The following GMDS variants were observed in gnomAD, a reference collection of about 807,000 sequenced individuals.
GMDS encodes GDP-mannose 4,6 dehydratase.
A neutral mutation model predicts 49.9 loss-of-function variants in GMDS; 20 were observed. The ratio of observed to expected loss-of-function variants is 0.40; its 90% CI spans 0.28 to 0.58. GMDS has a LOEUF of 0.58. GMDS is among the 20% of genes least tolerant of loss of function. The pLI is 0.42. For synonymous variants in GMDS, 177 were observed against 178.6 expected, an observed-to-expected ratio of 0.99 and a Z score of 0.07; for missense variants, 362 against 481.4, an observed-to-expected ratio of 0.75 and a Z score of 2.32.
chr6:1,997,576 AATC>A (rs1266095368), intron 4 of GMDS, among the ~76,000 whole-genome samples: 5 of 151,888 alleles, frequency 3.3e-5, no homozygotes, highest in African/African-American at 1.2e-4. Context: ...TTTGGACAGA[AATC>A]ATCAGTGTGC....
At chr6:1,936,374 T>C (rs1202235063) in intron 6 of GMDS, among the ~76,000 whole-genome samples, 1 of 152,132 alleles carries the variant, frequency 6.6e-6, no homozygotes, top group Non-Finnish European at 1.5e-5. Context: ...ACTCCTTCCA[T>C]GAACCTAGGG....
chr6:1,990,741 A>T (rs1326391386), intron 4 of GMDS, among the ~76,000 whole-genome samples: 1 of 144,062 alleles, frequency 6.9e-6, no homozygotes, highest in East Asian at 2.1e-4. Context: ...CACCCAGCTA[A>T]TTTTTTTTTT....
In GMDS at chr6:2,105,209, T is replaced by C. The variant is rs575656772; in HGVS notation, c.345+10562A>G. The stretch of plus-strand genomic sequence containing the variant: ...AAAAAAAAAAAAAAAAAAAAAGAAA[T>C]GATCACTAAACCAAAACACTTTCCT... On this transcript the variant is annotated intron_variant, in intron 4 of 10. Transcript: ENST00000380815. Among the ~76,000 whole-genome samples, 60 of 130,086 alleles carry C rather than the reference T, an allele frequency of 4.6e-4. No individual in the cohort carries two copies. The South Asian group carries it at 7.0e-3, about 15-fold the overall frequency. 85.3% of individuals were successfully genotyped at this position (130,086 alleles called of 152,430 possible).
intron 4 of GMDS, among the ~76,000 whole-genome samples, chr6:2,014,480 T>C (rs979238356): frequency 6.6e-6 from 1 of 152,094 alleles, no homozygotes; most frequent in Non-Finnish European, 1.5e-5. Flanking sequence ...GAACTATCTG[T>C]TAAGCAGCAT....
chr6:2,111,762 A>T (rs1004284735), intron 4 of GMDS, among the ~76,000 whole-genome samples: 8 of 152,242 alleles, frequency 5.3e-5, no homozygotes, highest in African/African-American at 1.9e-4. Context: ...TATGGCAAAC[A>T]TTACACTGTC....
At chr6:2,119,474 T>G (rs896834973) in intron 2 of GMDS, among the ~76,000 whole-genome samples, 2 of 152,164 alleles carry the variant, frequency 1.3e-5, no homozygotes, top group Non-Finnish European at 2.9e-5. Context: ...GCCAAATGCT[T>G]AATCCATGAC....
chr6:1,632,389 C>T (rs1441656153), intron 9 of GMDS, among the ~76,000 whole-genome samples: 3 of 152,134 alleles, frequency 2.0e-5, no homozygotes, highest in Admixed American at 6.5e-5. Context: ...GAAGAGGCAT[C>T]CATGGTTATA....
chr6:2,205,775 G>A (rs1779777983), intron 1 of GMDS, among the ~76,000 whole-genome samples: 1 of 152,110 alleles, frequency 6.6e-6, no homozygotes, highest in Non-Finnish European at 1.5e-5. Context: ...GGGTGTGTGT[G>A]TGGGGGGGGA....
At chr6:2,206,439 G>A (rs2127579934) in intron 1 of GMDS, among the ~76,000 whole-genome samples, 1 of 152,182 alleles carries the variant, frequency 6.6e-6, no homozygotes, top group South Asian at 2.1e-4. Context: ...TCCTTCATAG[G>A]TCTACTTGTC....
At chr6:1,988,631 C>T (rs1765717972) in intron 4 of GMDS, among the ~76,000 whole-genome samples, 1 of 152,102 alleles carries the variant, frequency 6.6e-6, no homozygotes, top group Non-Finnish European at 1.5e-5. Flanking sequence ...GTGTATTTAA[C>T]AAGAAAGAAT....
At chr6:1,685,914 C>T (rs1764959883) in intron 9 of GMDS, among the ~76,000 whole-genome samples, 2 of 152,036 alleles carry the variant, frequency 1.3e-5, no homozygotes, top group Admixed American at 6.6e-5. Flanking sequence ...CCTGAATATC[C>T]CCTGGTGAAG....
intron 9 of GMDS, among the ~76,000 whole-genome samples, chr6:1,718,573 C>A (rs1042995714): frequency 1.3e-5 from 2 of 152,118 alleles, no homozygotes; most frequent in Admixed American, 1.3e-4. Context: ...TACACCCACC[C>A]CACCCCGGGC....
intron 1 of GMDS, among the ~76,000 whole-genome samples, chr6:2,214,257 G>C (rs1025233433): frequency 6.6e-6 from 1 of 152,096 alleles, no homozygotes; most frequent in African/African-American, 2.4e-5. Context: ...AACTGGTAAA[G>C]AAAAATAACT....
At chr6:1,905,138 C>G (rs1166674903) in intron 7 of GMDS, among the ~76,000 whole-genome samples, 1 of 152,246 alleles carries the variant, frequency 6.6e-6, no homozygotes, top group Non-Finnish European at 1.5e-5. Flanking sequence ...CAAGCGATGC[C>G]TCCTTTGGGC....
At chr6:1,741,478 A>C (rs1262763618) in intron 8 of GMDS, among the ~76,000 whole-genome samples, 1 of 152,006 alleles carries the variant, frequency 6.6e-6, no homozygotes, top group Non-Finnish European at 1.5e-5. Context: ...ATGATGAAAG[A>C]AATTTGGAAA....
intron 4 of GMDS, among the ~76,000 whole-genome samples, chr6:1,980,686 T>A (rs915892349): frequency 6.6e-6 from 1 of 152,170 alleles, no homozygotes; most frequent in Non-Finnish European, 1.5e-5. Flanking sequence ...TGAACTCAGC[T>A]CTGGATCAAG....
intron 1 of GMDS, among the ~76,000 whole-genome samples, chr6:2,166,982 A>C (rs546649110): frequency 2.6e-5 from 4 of 152,318 alleles, no homozygotes; most frequent in African/African-American, 9.6e-5. Context: ...CTACAAATAG[A>C]TGATTCAATT....
At chr6:1,684,673 A>G (rs1303314559) in intron 9 of GMDS, among the ~76,000 whole-genome samples, 2 of 152,154 alleles carry the variant, frequency 1.3e-5, no homozygotes, top group Non-Finnish European at 2.9e-5. Flanking sequence ...GGCAGGACTG[A>G]CTACAAAGCA....
intron 4 of GMDS, among the ~76,000 whole-genome samples, chr6:2,021,202 G>A (rs1768259909): frequency 6.6e-6 from 1 of 152,192 alleles, no homozygotes; most frequent in Admixed American, 6.5e-5. Flanking sequence ...TATTTGAAAA[G>A]GGCCATTAGT....
Sources: allele counts gnomAD v4.1 joint callset (sites outside exome capture counted in the v4.1 genomes callset), GRCh38; gene constraint gnomAD v4.1.1; transcripts MANE v1.5; gene names NCBI Gene and HGNC (gene_info 2026-07-23, HGNC 2026-07-21).